BTBD9: variants seen among roughly 807,000 people sequenced by gnomAD.
The protein encoded by BTBD9 is BTB/POZ domain-containing protein 9.
Under a neutral mutation model 64.3 loss-of-function variants are expected in BTBD9, and 49 were observed. The ratio of observed to expected loss-of-function variants is 0.76; its 90% CI spans 0.61 to 0.97. BTBD9 has a LOEUF of 0.97. Among genes scored for constraint, BTBD9 ranks in the 50% least tolerant of loss-of-function variants. The pLI, the probability that BTBD9 is intolerant of heterozygous loss-of-function variation, is 0.00. For missense variants in BTBD9, 598 were observed against 762.1 expected (o/e 0.78, Z 2.53); for synonymous variants, 260 against 274.7 (o/e 0.95, Z 0.53).
At chr6:38,495,293 T>C (rs1771902222) in intron 6 of BTBD9, among the ~76,000 whole-genome samples, 1 of 152,210 alleles carries the variant, frequency 6.6e-6, no homozygotes, top group Non-Finnish European at 1.5e-5. Flanking sequence ...GCAAATGAAA[T>C]AACTAAGCCT....
chr6:38,272,247 A>G (rs1765222499), intron 8 of BTBD9, among the ~76,000 whole-genome samples: 5 of 152,238 alleles, frequency 3.3e-5, no homozygotes, highest in Admixed American at 3.3e-4. Flanking sequence ...AGTTAATATG[A>G]CAGTAGTAAA....
chr6:38,504,655 G>A (rs375299197), intron 6 of BTBD9: 2 of 452,362 alleles, frequency 4.4e-6, no homozygotes, highest in Admixed American at 2.4e-5. Context: ...TTTCAACCCA[G>A]GAAGCCCATT....
intron 6 of BTBD9, among the ~76,000 whole-genome samples, chr6:38,466,688 G>A (rs958272920): frequency 3.3e-5 from 5 of 151,834 alleles, no homozygotes; most frequent in African/African-American, 9.7e-5. Flanking sequence ...AGTTATTTTC[G>A]TGTCTCAGCC....
intron 6 of BTBD9, among the ~76,000 whole-genome samples, chr6:38,526,317 A>C (rs1009973972): frequency 6.6e-6 from 1 of 152,268 alleles, no homozygotes; most frequent in Non-Finnish European, 1.5e-5. Context: ...ACAGAGGGCA[A>C]GAGTTGAGGC....
At chr6:38,271,625 G>C (rs938749468) in intron 8 of BTBD9, among the ~76,000 whole-genome samples, 2 of 152,060 alleles carry the variant, frequency 1.3e-5, no homozygotes, top group African/African-American at 4.8e-5. Flanking sequence ...TGTATGGCCT[G>C]CAAAACCTAA....
chr6:38,460,646 C>A (rs1029037079), intron 6 of BTBD9, among the ~76,000 whole-genome samples: 15 of 152,046 alleles, frequency 9.9e-5, no homozygotes, highest in African/African-American at 3.6e-4. Context: ...TTTTTTGAGA[C>A]GTAGTCTTGC....
chr6:38,459,085 C>T (rs1769953190), intron 6 of BTBD9, among the ~76,000 whole-genome samples: 3 of 151,554 alleles, frequency 2.0e-5, no homozygotes, highest in Non-Finnish European at 1.5e-5. Context: ...ATGGTGTGAT[C>T]TCGGCTCACT....
At chr6:38,392,806 TAAAG>T (rs1040120067) in intron 6 of BTBD9, among the ~76,000 whole-genome samples, 2 of 149,356 alleles carry the variant, frequency 1.3e-5, no homozygotes, top group Non-Finnish European at 3.0e-5. Context: ...AGCACAAAAA[TAAAG>T]AAAAATATAA....
intron 7 of BTBD9, among the ~76,000 whole-genome samples, chr6:38,344,738 T>C (rs1306921262): frequency 6.6e-6 from 1 of 152,232 alleles, no homozygotes; most frequent in Non-Finnish European, 1.5e-5. Context: ...CAAATCTGAA[T>C]GAATTACTAA....
At chr6:38,568,920 T>C (rs1261946655) in intron 6 of BTBD9, among the ~76,000 whole-genome samples, 4 of 152,326 alleles carry the variant, frequency 2.6e-5, no homozygotes, top group Non-Finnish European at 5.9e-5. Flanking sequence ...AACTCCTAGA[T>C]ACCTTACACA....
In BTBD9 at chr6:38,553,938, A is replaced by G. The variant is rs1774915808; in HGVS notation, c.1154+23662T>C. 2.0e-5 allele frequency among the ~76,000 whole-genome samples: 3 copies of G among 152,252 alleles called. No individual in the cohort carries two copies. In the South Asian group the frequency reaches 6.2e-4, roughly 32 times the overall value. ...TCAATGAATTTCTATATATTTTTTC[A>G]TACTGGACACATGAAAGACATTAAA... On this transcript the variant is annotated intron_variant, in intron 6 of 10. Transcript: ENST00000481247.
At chr6:38,565,086 A>AT (rs1312541594) in intron 6 of BTBD9, among the ~76,000 whole-genome samples, 1 of 151,572 alleles carries the variant, frequency 6.6e-6, no homozygotes, top group East Asian at 1.9e-4. Flanking sequence ...ATTCTTCTTG[A>AT]TTTTTTTTCT....
intron 6 of BTBD9, among the ~76,000 whole-genome samples, chr6:38,509,700 T>TCAGGGAAGAGGCACTGCACAAAA (rs1772693994): frequency 6.6e-6 from 1 of 152,240 alleles, no homozygotes. Context: ...AAAACTGAAC[T>TCAGGGAAGAGGCACTGCACAAAA]CAGGGAAGAG....
At chr6:38,420,415 A>G (rs1257653172) in intron 6 of BTBD9, among the ~76,000 whole-genome samples, 3 of 152,198 alleles carry the variant, frequency 2.0e-5, no homozygotes, top group African/African-American at 7.2e-5. Flanking sequence ...TTGTGCATCA[A>G]TAAAATCCCT....
intron 7 of BTBD9, among the ~76,000 whole-genome samples, chr6:38,310,988 T>C (rs1762807529): frequency 6.6e-6 from 1 of 152,148 alleles, no homozygotes; most frequent in African/African-American, 2.4e-5. Context: ...TTTTTGCAGT[T>C]TTAGTAGAGA....
chr6:38,628,434 C>G (rs1054791803), intron 1 of BTBD9, among the ~76,000 whole-genome samples: 2 of 152,132 alleles, frequency 1.3e-5, no homozygotes, highest in Non-Finnish European at 2.9e-5. Context: ...TATGGGCTAA[C>G]AATTTTGAAC....
At chr6:38,187,493 G>A (rs762231993) in intron 10 of BTBD9, among the ~76,000 whole-genome samples, 1 of 152,184 alleles carries the variant, frequency 6.6e-6, no homozygotes. Flanking sequence ...ATCTAGTGCT[G>A]AGCATGGGAG....
chr6:38,553,830 G>T (rs1027811683), intron 6 of BTBD9, among the ~76,000 whole-genome samples: 2 of 151,908 alleles, frequency 1.3e-5, no homozygotes, highest in South Asian at 4.2e-4. Flanking sequence ...TCCAGTCTGG[G>T]TGACAGAGCG....
intron 8 of BTBD9, among the ~76,000 whole-genome samples, chr6:38,284,042 A>G (rs1197934919): frequency 6.6e-6 from 1 of 152,216 alleles, no homozygotes; most frequent in Non-Finnish European, 1.5e-5. Flanking sequence ...ATTGGTGGCT[A>G]AGCAATCTCT....
Sources: gnomAD v4.1 joint callset for allele counts (sites outside exome capture counted in the v4.1 genomes callset) on GRCh38, gnomAD v4.1.1 for gene constraint, MANE v1.5 for transcripts, NCBI Gene and HGNC (gene_info 2026-07-23, HGNC 2026-07-21) for gene names.